Variants in MGA observed in about 807,000 individuals in gnomAD.
The protein encoded by MGA is MAX dimerization protein MGA.
Under a neutral mutation model 261.1 loss-of-function variants are expected in MGA, and 40 were observed. The ratio of observed to expected loss-of-function variants is 0.15; its 90% CI spans 0.12 to 0.20. The LOEUF is 0.20. Among genes scored for constraint, MGA ranks in the 10% least tolerant of loss-of-function variants. The pLI is 1.00. For synonymous variants in MGA, 1,302 were observed against 1,290.6 expected (o/e 1.01, Z -0.19); for missense variants, 3,397 against 3,630.5 (o/e 0.94, Z 1.65).
chr15:41,631,593 A>G (rs966717036), intron 1 of MGA, among the ~76,000 whole-genome samples: 1 of 152,290 alleles, frequency 6.6e-6, no homozygotes, highest in African/African-American at 2.4e-5. Flanking sequence ...ACAGAGGCAC[A>G]CTTTCTTTTT....
Position 41,679,121 on chromosome 15 carries a change from C to T in MGA, c.1064+9163C>T, listed in dbSNP as rs539938824. Among the ~76,000 whole-genome samples, 38 of 149,852 alleles carry T rather than the reference C, an allele frequency of 2.5e-4. No individual in the cohort carries two copies. In the South Asian group the frequency reaches 6.0e-3, roughly 24 times the overall value. The stretch of plus-strand genomic sequence containing the variant: ...TGTGATCTCGGCTCGCTGCAACCTC[C>T]GCCTCCTGTGTTTAAGCAATTCTCC... On this transcript the variant is annotated intron_variant, in intron 2 of 23. Coordinates refer to ENST00000219905, the MANE Select transcript of MGA (RefSeq NM_001164273.2).
Position 41,740,179 on chromosome 15 carries a change from T to G in MGA, c.4561T>G (p.Phe1521Val). The change falls in exon 14 of 24, where the codon TTT becomes GTT. Residue 1521 changes from phenylalanine to valine, a missense_variant. By Grantham distance (50) the Phe-to-Val change is conservative. Transcript: ENST00000219905. ...TCGCCCTGGGAAGAATCTGAAGGCG[T>G]TTGTCCCAGCAAAACGGCCAATTGG... The G allele has an allele frequency of 6.2e-7, 1 of 1,613,926 alleles. No homozygotes were observed. Among genetic ancestry groups the G allele is most frequent in the Non-Finnish European group, 8.5e-7 (1 of 1,179,840 alleles).
chr15:41,669,581 A>G lies in MGA; in HGVS notation c.687A>G (p.Pro229=), dbSNP rs757200571. Residue 229 remains proline, a synonymous_variant, in exon 2 of 24, where the codon CCA becomes CCG. Coordinates refer to ENST00000219905, the MANE Select transcript of MGA (RefSeq NM_001164273.2). Reference sequence around the variant, plus strand: ...CTGGTGTCCACACTTTTACCTTCCCACAGACTGAATTCTTTGCAGTAACAG... The same window carrying G: ...CTGGTGTCCACACTTTTACCTTCCCGCAGACTGAATTCTTTGCAGTAACAG... The G allele has an allele frequency of 1.2e-6, 2 of 1,614,008 alleles. No individual in the cohort carries two copies. Among genetic ancestry groups the G allele is most frequent in the Non-Finnish European group, 1.7e-6 (2 of 1,179,890 alleles).
At chr15:41,637,089 A>G (rs2056725715) in intron 1 of MGA, among the ~76,000 whole-genome samples, 1 of 152,194 alleles carries the variant, frequency 6.6e-6, no homozygotes, top group South Asian at 2.1e-4. Flanking sequence ...AAATACTTGA[A>G]GGAGGACAGC....
At chr15:41,711,376 A>G (rs1421695403) in intron 8 of MGA, 27 bp downstream of exon 8, 4 of 1,550,106 alleles carry the variant, frequency 2.6e-6, no homozygotes, top group Non-Finnish European at 3.5e-6. Context: ...TTCTGGAGGT[A>G]TATTAGTGCT....
intron 15 of MGA, among the ~76,000 whole-genome samples, chr15:41,744,352 T>C (rs997528670): frequency 1.3e-5 from 2 of 152,052 alleles, no homozygotes; most frequent in African/African-American, 4.8e-5. Flanking sequence ...TACAGGTTTA[T>C]GCCACCACGT....
chr15:41,653,293 C>T (rs986999520), intron 1 of MGA, among the ~76,000 whole-genome samples: 9 of 151,208 alleles, frequency 6.0e-5, no homozygotes, highest in Non-Finnish European at 8.8e-5. Context: ...TGCTTGAACC[C>T]GGGAGGCCAA....
chr15:41,729,443 A>AG (rs35430958), intron 11 of MGA, 94 bp downstream of exon 11: 1 of 1,212,792 alleles, frequency 8.2e-7, no homozygotes, highest in Non-Finnish European at 1.1e-6. Flanking sequence ...ATTATCCTAC[A>AG]GGGCAGAGAA....
In MGA at chr15:41,665,014, G is replaced by T. The variant is rs148652124; in HGVS notation, c.-67-3814G>T. ...TTCCTGATATTAGTGCTTTAGTGTT[G>T]GGAAGTGAATTTCTATTTTTATCTC... On this transcript the variant is annotated intron_variant, in intron 1 of 23. Transcript: ENST00000219905. 1.6e-3 allele frequency among the ~76,000 whole-genome samples: 248 copies of T among 152,218 alleles called. 1 individual carries two copies. The highest frequency in any genetic ancestry group is 5.8e-3 in the African/African-American group (239 of 41,524).
At chr15:41,650,693 C>T (rs1403939274) in intron 1 of MGA, among the ~76,000 whole-genome samples, 1 of 152,160 alleles carries the variant, frequency 6.6e-6, no homozygotes, top group Non-Finnish European at 1.5e-5. Flanking sequence ...TTCTCTTAGC[C>T]TCCAAAAGTG....
chr15:41,742,431 G>T (rs1046394910), intron 14 of MGA, 115 bp from the exon 15 acceptor site: 3 of 1,165,486 alleles, frequency 2.6e-6, no homozygotes, highest in Non-Finnish European at 3.6e-6. Flanking sequence ...ATACAGGTAG[G>T]TAGTACCTGT....
Position 41,748,715 on chromosome 15 carries a change from T to C in MGA, c.5291T>C (p.Leu1764Ser). ...AAACGTGCTGGACCTCGATTGTTGT[T>C]GATTCCAGTGCAGCAGGGTTCTCCT... The change falls in exon 16 of 24, where the codon TTG becomes TCG. Residue 1764 changes from leucine to serine, a missense_variant. By Grantham distance (145) the Leu-to-Ser change is moderately radical. This residue lies in a region of MGA where 1,410 missense variants were observed against 1,386.4 expected (regional missense o/e 1.02). Transcript: ENST00000219905. The C allele has an allele frequency of 1.2e-6, 2 of 1,613,992 alleles. No homozygotes were observed. The highest frequency in any genetic ancestry group is 1.7e-6 in the Non-Finnish European group (2 of 1,179,878).
intron 2 of MGA, among the ~76,000 whole-genome samples, chr15:41,690,274 C>T (rs1037666996): frequency 1.2e-4 from 18 of 152,152 alleles, no homozygotes; most frequent in Admixed American, 9.8e-4. Flanking sequence ...ATCTGTACTT[C>T]GTTTCTTTTT....
At chr15:41,689,547 G>A (rs2059154935) in intron 2 of MGA, among the ~76,000 whole-genome samples, 1 of 148,946 alleles carries the variant, frequency 6.7e-6, no homozygotes, top group South Asian at 2.1e-4. Context: ...GTTTATTTTG[G>A]TTCATTTTCT....
At position 41,759,438 on chromosome 15, in the gene MGA, A is replaced by ATGTG. The variant is rs58952352; in HGVS notation, c.7192-863_7192-860dup. ...TGCTTTTCATTATAAGCTTCTTAAT[A>ATGTG]TGTGTGTGTGTGTGTGTGTGTGTGT... On this transcript the variant is annotated intron_variant, in intron 19 of 23. Transcript: ENST00000219905. 9.1e-4 allele frequency among the ~76,000 whole-genome samples: 123 copies of ATGTG among 134,830 alleles called. 2 individuals carry two copies. The highest frequency in any genetic ancestry group is 2.4e-3 in the African/African-American group (89 of 36,684). 88.5% of individuals were successfully genotyped at this position (134,830 alleles called of 152,430 possible).
chr15:41,722,670 A>G (rs1354122692), intron 9 of MGA, among the ~76,000 whole-genome samples: 1 of 152,160 alleles, frequency 6.6e-6, no homozygotes, highest in East Asian at 1.9e-4. Context: ...TAAATGCTAT[A>G]TTTCATTATA....
intron 6 of MGA, 32 bp downstream of exon 6, chr15:41,707,891 T>C (rs535730004): frequency 1.3e-6 from 2 of 1,588,384 alleles, no homozygotes; most frequent in East Asian, 4.5e-5. Flanking sequence ...AGTCAAACAC[T>C]ATTTTTCTTG....
chr15:41,661,194 G>C (rs1318282911), intron 1 of MGA, among the ~76,000 whole-genome samples: 1 of 152,160 alleles, frequency 6.6e-6, no homozygotes, highest in Non-Finnish European at 1.5e-5. Flanking sequence ...GGGGAAAACA[G>C]GTGGGAAGAG....
At chr15:41,692,776 A>C (rs2059352396) in intron 2 of MGA, among the ~76,000 whole-genome samples, 1 of 151,994 alleles carries the variant, frequency 6.6e-6, no homozygotes, top group African/African-American at 2.4e-5. Flanking sequence ...CAGTGGTGCG[A>C]TCTTGGCTCA....
Sources: gnomAD v4.1 joint callset for allele counts (sites outside exome capture counted in the v4.1 genomes callset) on GRCh38, gnomAD v4.1.1 for gene constraint, gnomAD v4.1.1 regional missense constraint, MANE v1.5 for transcripts, NCBI Gene and HGNC (gene_info 2026-07-23, HGNC 2026-07-21) for gene names.